ARHGAP8: variants seen among roughly 807,000 people sequenced by gnomAD.
ARHGAP8 encodes Rho GTPase activating protein 8, also known as rho GTPase-activating protein 8.
Under a neutral mutation model 46.1 loss-of-function variants are expected in ARHGAP8, and 62 were observed. The observed-to-expected ratio is 1.34, with a 90% CI of 1.10 to 1.66. The LOEUF (loss-of-function observed/expected upper bound fraction) is 1.66, where lower values mean the gene tolerates loss of function less well. Ranked by LOEUF, ARHGAP8 falls within the 40% of genes most tolerant of loss-of-function variation. The probability of loss-of-function intolerance (pLI) is 0.00; values close to 1 mark genes in which losing one functional copy is unlikely to be tolerated. For missense variants in ARHGAP8, 923 were observed against 568.4 expected (o/e 1.62, Z -6.34); for synonymous variants, 375 against 243.1 (o/e 1.54, Z -5.05).
chr22:44,774,728 G>A (rs1260889414), intron 1 of ARHGAP8, among the ~76,000 whole-genome samples: 1 of 151,812 alleles, frequency 6.6e-6, no homozygotes. Flanking sequence ...TACCGTGTTG[G>A]CCAGGCTGGT....
intron 5 of ARHGAP8, among the ~76,000 whole-genome samples, chr22:44,820,608 G>A (rs1279213334): frequency 1.3e-5 from 2 of 152,160 alleles, no homozygotes; most frequent in South Asian, 4.1e-4. Flanking sequence ...CAGGCACTAA[G>A]GCAGGCCCCG....
At chr22:44,792,858 CTG>C (rs1463267436) in intron 2 of ARHGAP8, among the ~76,000 whole-genome samples, 2 of 149,860 alleles carry the variant, frequency 1.3e-5, no homozygotes, top group East Asian at 3.9e-4. Context: ...AAGTCTTACT[CTG>C]TTGCTCAGGC....
At chr22:44,764,679 C>A (rs1162586727) in intron 1 of ARHGAP8, among the ~76,000 whole-genome samples, 1 of 152,206 alleles carries the variant, frequency 6.6e-6, no homozygotes, top group Non-Finnish European at 1.5e-5. Flanking sequence ...ACACAAGATG[C>A]TCGCTGGGGT....
intron 7 of ARHGAP8, among the ~76,000 whole-genome samples, chr22:44,837,536 C>G (rs895168327): frequency 6.6e-6 from 1 of 152,180 alleles, no homozygotes; most frequent in Non-Finnish European, 1.5e-5. Flanking sequence ...TTGAGATGCA[C>G]GAGATGAACG....
chr22:44,762,539 CTCTCT>C (rs983768364), intron 1 of ARHGAP8, among the ~76,000 whole-genome samples: 24 of 139,080 alleles, frequency 1.7e-4, no homozygotes, highest in African/African-American at 2.9e-4. Context: ...AACTCTCTCT[CTCTCT>C]TTTTTTTTTT....
chr22:44,787,685 A>G (rs985663147), intron 2 of ARHGAP8, among the ~76,000 whole-genome samples: 4 of 152,022 alleles, frequency 2.6e-5, no homozygotes, highest in Non-Finnish European at 4.4e-5. Context: ...CATTTCTCCC[A>G]TGGGCAGTGA....
At chr22:44,830,606 G>A (rs1439079234) in intron 7 of ARHGAP8, among the ~76,000 whole-genome samples, 2 of 150,990 alleles carry the variant, frequency 1.3e-5, no homozygotes, top group Admixed American at 6.6e-5. Flanking sequence ...ACACGATCTC[G>A]GCTCACTGCA....
At chr22:44,777,808 G>C (rs1028619186) in intron 1 of ARHGAP8, among the ~76,000 whole-genome samples, 4 of 152,090 alleles carry the variant, frequency 2.6e-5, no homozygotes, top group African/African-American at 9.7e-5. Context: ...CGGTTCTCCT[G>C]CCTGACCCTC....
intron 7 of ARHGAP8, among the ~76,000 whole-genome samples, chr22:44,840,675 G>A (rs1388953208): frequency 6.8e-6 from 1 of 146,622 alleles, no homozygotes; most frequent in Admixed American, 6.7e-5. Flanking sequence ...GACCGCCTCT[G>A]TGTGGCCTGG....
intron 1 of ARHGAP8, among the ~76,000 whole-genome samples, chr22:44,773,468 T>C (rs548474326): frequency 6.6e-6 from 1 of 152,346 alleles, no homozygotes; most frequent in Admixed American, 6.5e-5. Context: ...AGCTTGGTTT[T>C]TACTAATTAC....
intron 7 of ARHGAP8, among the ~76,000 whole-genome samples, chr22:44,827,992 T>G (rs1014990430): frequency 6.6e-6 from 1 of 152,198 alleles, no homozygotes; most frequent in African/African-American, 2.4e-5. Context: ...GTGCGGCTAG[T>G]GCAGATGCTG....
intron 7 of ARHGAP8, among the ~76,000 whole-genome samples, chr22:44,833,788 C>CT (rs1405787958): frequency 6.6e-6 from 1 of 152,092 alleles, no homozygotes; most frequent in African/African-American, 2.4e-5. Context: ...TGATCTTAGG[C>CT]TTTACTTTGT....
intron 2 of ARHGAP8, among the ~76,000 whole-genome samples, chr22:44,790,792 G>T (rs1005112134): frequency 1.6e-4 from 24 of 150,498 alleles, no homozygotes; most frequent in African/African-American, 5.4e-4. Context: ...GAGTGCAGTG[G>T]CATGATCTTG....
At chr22:44,829,078 G>C (rs57512554) in intron 7 of ARHGAP8, among the ~76,000 whole-genome samples, 1,933 of 134,130 alleles carry the variant, frequency 0.014, 43 homozygotes, top group African/African-American at 0.051. Context: ...TTCAAGACCA[G>C]CCTGGCCGGT....
At chr22:44,814,990 A>G (rs1235292441) in intron 5 of ARHGAP8, among the ~76,000 whole-genome samples, 2 of 152,058 alleles carry the variant, frequency 1.3e-5, no homozygotes, top group Non-Finnish European at 2.9e-5. Context: ...CCTGGTGTTT[A>G]AAAGCCCCCC....
At chr22:44,802,214 G>A in intron 3 of ARHGAP8, 50 bp downstream of exon 3, 1 of 1,603,928 alleles carries the variant, frequency 6.2e-7, no homozygotes, top group South Asian at 1.1e-5. Flanking sequence ...CATGTTGCTT[G>A]TCCCCATCCC....
chr22:44,846,707 C>T (rs1211555068), intron 8 of ARHGAP8, among the ~76,000 whole-genome samples: 1 of 152,160 alleles, frequency 6.6e-6, no homozygotes, highest in Non-Finnish European at 1.5e-5. Context: ...GCCTCCCCAT[C>T]ATTCACTCAT....
At chr22:44,838,671 G>A (rs1475072526) in intron 7 of ARHGAP8, among the ~76,000 whole-genome samples, 1 of 152,202 alleles carries the variant, frequency 6.6e-6, no homozygotes, top group Non-Finnish European at 1.5e-5. Flanking sequence ...CCCGCCTGTT[G>A]AGTAGGACTC....
rs551339643 is a variant in ARHGAP8 at position 44,798,852 on chromosome 22, G to A, written c.80-3225G>A. ...GCAATCTCTGCTCACTGCAACCTCC[G>A]CTTCCCGGGTTCAAGCAATTTCCTG... is the stretch of plus-strand genomic sequence containing the variant. On this transcript the variant is annotated intron_variant, in intron 2 of 11. Coordinates refer to ENST00000356099, the MANE Select transcript of ARHGAP8 (RefSeq NM_181335.3). Among the ~76,000 whole-genome samples, 119 of 152,180 alleles carry A rather than the reference G, an allele frequency of 7.8e-4. 2 individuals carry two copies. The highest frequency in any genetic ancestry group is 3.4e-3 in the Middle Eastern group (1 of 294).
Sources: gnomAD v4.1 joint callset for allele counts (sites outside exome capture counted in the v4.1 genomes callset) on GRCh38, gnomAD v4.1.1 for gene constraint, MANE v1.5 for transcripts, NCBI Gene and HGNC (gene_info 2026-07-23, HGNC 2026-07-21) for gene names.